Variants in DRAM1 observed in about 807,000 individuals in gnomAD.
The protein encoded by DRAM1 is DNA damage regulated autophagy modulator 1, also known as DNA damage-regulated autophagy modulator protein 1.
DRAM1 carries 25 observed loss-of-function variants against 28.5 expected under a neutral mutation model. The ratio of observed to expected loss-of-function variants is 0.88; its 90% CI spans 0.64 to 1.23. DRAM1 has a LOEUF of 1.23. DRAM1 is among the 50% of genes most tolerant of loss of function. DRAM1 has a pLI of 0.00. For missense variants in DRAM1, 249 were observed against 299.2 expected (o/e 0.83, Z 1.24); for synonymous variants, 113 against 114.2 (o/e 0.99, Z 0.07).
At chr12:101,903,872 TGGGCAACATA>T (rs900858216) in intron 3 of DRAM1, among the ~76,000 whole-genome samples, 4 of 151,516 alleles carry the variant, frequency 2.6e-5, no homozygotes, top group African/African-American at 9.7e-5. Flanking sequence ...GAGACTAGTC[TGGGCAACATA>T]GGGCAACACA....
At chr12:101,905,668 C>A (rs924231124) in intron 3 of DRAM1, among the ~76,000 whole-genome samples, 2 of 152,142 alleles carry the variant, frequency 1.3e-5, no homozygotes, top group African/African-American at 4.8e-5. Context: ...TAGCTCACTG[C>A]AGCCTTGGTC....
intron 4 of DRAM1, among the ~76,000 whole-genome samples, chr12:101,908,876 C>T (rs887545891): frequency 7.4e-6 from 1 of 135,684 alleles, no homozygotes; most frequent in African/African-American, 2.9e-5. Context: ...AAGCTTGACA[C>T]TTCCCTTCCC....
intron 5 of DRAM1, among the ~76,000 whole-genome samples, chr12:101,917,454 A>T (rs1281453752): frequency 1.3e-5 from 2 of 152,154 alleles, no homozygotes; most frequent in Non-Finnish European, 2.9e-5. Context: ...TTGGGAGGCC[A>T]AGGCGGGTGG....
chr12:101,889,361 G>A (rs536633184), intron 1 of DRAM1, among the ~76,000 whole-genome samples: 27 of 152,272 alleles, frequency 1.8e-4, no homozygotes, highest in African/African-American at 6.0e-4. Flanking sequence ...GAGAGTTCTA[G>A]GGTTCTTTCC....
intron 1 of DRAM1, among the ~76,000 whole-genome samples, chr12:101,880,164 C>T (rs569976706): frequency 1.4e-4 from 22 of 152,056 alleles, no homozygotes; most frequent in Non-Finnish European, 2.8e-4. Context: ...CCTCCCACCT[C>T]AGCCTCCTGA....
chr12:101,882,235 A>G (rs1872715149), intron 1 of DRAM1, among the ~76,000 whole-genome samples: 1 of 148,828 alleles, frequency 6.7e-6, no homozygotes, highest in African/African-American at 2.4e-5. Context: ...CAGCCTCCCG[A>G]GTAGCTGGGA....
intron 1 of DRAM1, among the ~76,000 whole-genome samples, chr12:101,895,988 G>A (rs1873355660): frequency 6.6e-6 from 1 of 152,104 alleles, no homozygotes; most frequent in Admixed American, 6.6e-5. Flanking sequence ...CTGGGTTCAA[G>A]CGATTCTCCT....
intron 1 of DRAM1, among the ~76,000 whole-genome samples, chr12:101,892,658 A>G (rs1202274110): frequency 6.6e-6 from 1 of 152,156 alleles, no homozygotes; most frequent in Non-Finnish European, 1.5e-5. Context: ...TTCATGAACT[A>G]TTCTTGAGCA....
At chr12:101,906,131 C>A (rs1281701042) in intron 3 of DRAM1, among the ~76,000 whole-genome samples, 1 of 152,174 alleles carries the variant, frequency 6.6e-6, no homozygotes, top group Non-Finnish European at 1.5e-5. Flanking sequence ...TGATGTATTG[C>A]AGAGTCAGTG....
chr12:101,888,195 T>G (rs1315476410), intron 1 of DRAM1, among the ~76,000 whole-genome samples: 1 of 152,144 alleles, frequency 6.6e-6, no homozygotes, highest in Non-Finnish European at 1.5e-5. Context: ...AATGGTGTGA[T>G]CTCAGCTCAC....
intron 5 of DRAM1, 23 bp from the exon 6 acceptor site, chr12:101,920,086 C>T: frequency 6.5e-7 from 1 of 1,530,394 alleles, no homozygotes; most frequent in Non-Finnish European, 8.9e-7. Flanking sequence ...CGGCTAAATT[C>T]TGTTTCTTTA....
At chr12:101,900,114 C>T (rs1392807965) in intron 2 of DRAM1, among the ~76,000 whole-genome samples, 1 of 152,116 alleles carries the variant, frequency 6.6e-6, no homozygotes, top group East Asian at 1.9e-4. Context: ...AGACAAGAGC[C>T]CTGCTCTCAT....
At chr12:101,898,512 A>T (rs901636620) in intron 2 of DRAM1, among the ~76,000 whole-genome samples, 9 of 152,218 alleles carry the variant, frequency 5.9e-5, no homozygotes, top group Admixed American at 2.0e-4. Flanking sequence ...AGTGCAATTT[A>T]GTTTTTAAAA....
Position 101,922,631 on chromosome 12 carries a change from ATTAGAACAT to A in DRAM1, c.*1372_*1380del, listed in dbSNP as rs1197926630. On this transcript the variant is annotated 3_prime_UTR_variant, in exon 7 of 7. Coordinates refer to ENST00000258534, the MANE Select transcript of DRAM1 (RefSeq NM_018370.3). The stretch of plus-strand genomic sequence containing the variant: ...CCCCTCTATGTGTTTAGCATATGTT[ATTAGAACAT>A]GTCCGACACCCCTACCGCTGCCATT... The A allele has an allele frequency of 6.6e-6, 1 of 152,202 alleles. No homozygotes were observed. The highest frequency in any genetic ancestry group is 1.5e-5 in the Non-Finnish European group (1 of 68,040). The allele number at this position is 152,202 out of a possible 1,614,324, so 9.4% of individuals were successfully genotyped here.
chr12:101,883,949 A>T (rs1447224370), intron 1 of DRAM1, among the ~76,000 whole-genome samples: 2 of 149,536 alleles, frequency 1.3e-5, no homozygotes. Context: ...AAAAAAAAAT[A>T]AATAAATACA....
intron 3 of DRAM1, among the ~76,000 whole-genome samples, chr12:101,907,150 T>C (rs970135345): frequency 4.3e-5 from 6 of 138,412 alleles, no homozygotes; most frequent in Admixed American, 1.5e-4. Flanking sequence ...CAGTGAGCTA[T>C]GATCATGCCA....
intron 1 of DRAM1, among the ~76,000 whole-genome samples, chr12:101,892,318 C>A (rs191573084): frequency 2.0e-5 from 3 of 151,726 alleles, no homozygotes; most frequent in East Asian, 3.9e-4. Context: ...TCACTGCAAC[C>A]TCCACCTCCT....
intron 6 of DRAM1, among the ~76,000 whole-genome samples, chr12:101,920,671 G>A (rs1874447812): frequency 6.6e-6 from 1 of 152,120 alleles, no homozygotes; most frequent in Non-Finnish European, 1.5e-5. Flanking sequence ...CAGCACTTTG[G>A]GAGGCCGAGG....
intron 1 of DRAM1, among the ~76,000 whole-genome samples, chr12:101,891,229 T>C (rs1873116901): frequency 6.6e-6 from 1 of 152,214 alleles, no homozygotes; most frequent in African/African-American, 2.4e-5. Flanking sequence ...TGGGGAATTA[T>C]GTTTTTTTTA....
Sources: gnomAD v4.1 joint callset for allele counts (sites outside exome capture counted in the v4.1 genomes callset) on GRCh38, gnomAD v4.1.1 for gene constraint, MANE v1.5 for transcripts, NCBI Gene and HGNC (gene_info 2026-07-23, HGNC 2026-07-21) for gene names.